Variants in GPR26 observed in about 807,000 individuals in gnomAD.
GPR26 encodes G protein-coupled receptor 26.
GPR26 carries 15 observed loss-of-function variants against 23.1 expected under a neutral mutation model. The ratio of observed to expected loss-of-function variants is 0.65; its 90% confidence interval spans 0.43 to 1.00. The LOEUF is 1.00. GPR26 is among the 50% of genes least tolerant of loss of function. The pLI, the probability that GPR26 is intolerant of heterozygous loss-of-function variation, is 0.00. For synonymous variants in GPR26, 228 were observed against 222.1 expected (o/e 1.03, Z -0.24); for missense variants, 359 against 470.5 (o/e 0.76, Z 2.19).
At position 123,666,963 on chromosome 10, in the gene GPR26, G is replaced by A. The variant is rs757379459; in HGVS notation, c.556G>A (p.Val186Ile). 3.7e-6 allele frequency: 6 copies of A among 1,613,634 alleles called. No homozygotes were observed. Among genetic ancestry groups the A allele is most frequent in the South Asian group, 3.3e-5 (3 of 91,070 alleles). The change falls in exon 1 of 3, where the codon GTC becomes ATC. Residue 186 changes from valine to isoleucine, a missense_variant. Physicochemically the swap from Val to Ile is conservative, Grantham distance 29 (BLOSUM62 3). Coordinates refer to ENST00000284674, the MANE Select transcript of GPR26 (RefSeq NM_153442.4). ...FHALSFLLSF[V>I]VLCCTYLKVL... is the part of the protein sequence containing the mutation. ...CGCTCTCAGCTTCCTGCTCTCCTTC[G>A]TCGTGCTCTGCTGCACGTACCTCAA...
chr10:123,676,260 C>T (rs567465283), intron 2 of GPR26, among the ~76,000 whole-genome samples: 5 of 152,260 alleles, frequency 3.3e-5, no homozygotes, highest in African/African-American at 4.8e-5. Context: ...ATCTAGTTAG[C>T]GTGTGTCTCA....
chr10:123,676,779 C>A (rs1286623389), intron 2 of GPR26, among the ~76,000 whole-genome samples: 1 of 152,162 alleles, frequency 6.6e-6, no homozygotes, highest in Admixed American at 6.5e-5. Context: ...TCAGCTCCCC[C>A]ACATCCTGCT....
chr10:123,670,062 T>C (rs1280483360), intron 1 of GPR26, among the ~76,000 whole-genome samples: 1 of 152,140 alleles, frequency 6.6e-6, no homozygotes, highest in African/African-American at 2.4e-5. Context: ...ACTCACTGGC[T>C]TGGCTTAGTG....
In GPR26 at chr10:123,695,243, T is replaced by C. The variant is rs969127591; in HGVS notation, c.*7083T>C. Among the ~76,000 whole-genome samples the C allele has an allele frequency of 1.3e-5, 2 of 152,210 alleles. No homozygotes were observed. The highest frequency in any genetic ancestry group is 4.8e-5 in the African/African-American group (2 of 41,458). On this transcript the variant is annotated 3_prime_UTR_variant, in exon 3 of 3. Coordinates refer to ENST00000284674, the MANE Select transcript of GPR26 (RefSeq NM_153442.4). Reference sequence around the variant, plus strand: ...ATATTTAAGGACTTTTAAAGTAATTTGGATTTTTAACTCAAAAGACGATGT... The same window carrying C: ...ATATTTAAGGACTTTTAAAGTAATTCGGATTTTTAACTCAAAAGACGATGT...
In GPR26 at chr10:123,666,579, G is replaced by T; in HGVS notation, c.172G>T (p.Val58Phe). The change falls in exon 1 of 3, where the codon GTC becomes TTC. Residue 58 changes from valine to phenylalanine, a missense_variant. Coordinates refer to ENST00000284674, the MANE Select transcript of GPR26 (RefSeq NM_153442.4). The stretch of plus-strand genomic sequence containing the variant: ...GTGCGGGAACCTGCTGTGCACCGTG[G>T]TCAACATGCCGCTCACGCTGGCCGG... ...LTCGNLLCTV[V>F]NMPLTLAGVV... 1 of 1,597,432 alleles carries T rather than the reference G, an allele frequency of 6.3e-7. No individual in the cohort carries two copies.
intron 2 of GPR26, among the ~76,000 whole-genome samples, chr10:123,679,887 C>G (rs1022696423): frequency 2.6e-5 from 4 of 152,336 alleles, no homozygotes; most frequent in Admixed American, 2.6e-4. Flanking sequence ...GAGTCATACT[C>G]CTGGACTCCC....
Position 123,694,778 on chromosome 10 carries a change from G to GAAGA in GPR26, c.*6622_*6625dup, listed in dbSNP as rs3052620. On this transcript the variant is annotated 3_prime_UTR_variant, in exon 3 of 3. Coordinates refer to ENST00000284674, the MANE Select transcript of GPR26 (RefSeq NM_153442.4). Reference sequence around the variant, plus strand: ...GAAGTTGAACGAAGAAGGAAGGAAGGAAGAAAGGAGAGAAAGGAGGAAGGA... The same window carrying GAAGA: ...GAAGTTGAACGAAGAAGGAAGGAAGGAAGAAAGAAAGGAGAGAAAGGAGGAAGGA... 0.25 allele frequency among the ~76,000 whole-genome samples: 38,093 copies of GAAGA among 151,576 alleles called. 5,555 individuals carry two copies. The highest frequency in any genetic ancestry group is 0.41 in the African/African-American group (16,809 of 41,134).
intron 2 of GPR26, 123 bp from the exon 3 acceptor site, chr10:123,687,806 C>A (rs1296554056): frequency 1.6e-6 from 1 of 641,448 alleles, no homozygotes; most frequent in South Asian, 1.8e-5. Context: ...GAGGCAGTCT[C>A]AGATAAATTG....
intron 2 of GPR26, among the ~76,000 whole-genome samples, chr10:123,675,181 T>C (rs887222844): frequency 3.9e-5 from 6 of 152,116 alleles, no homozygotes; most frequent in African/African-American, 1.4e-4. Context: ...CTAAATCACA[T>C]AATTACACCC....
intron 1 of GPR26, among the ~76,000 whole-genome samples, chr10:123,670,721 AAAC>A (rs1002060708): frequency 1.1e-4 from 17 of 152,262 alleles, no homozygotes; most frequent in African/African-American, 3.6e-4. Context: ...TGTTGCTCAC[AAAC>A]ACCACCCCTC....
At chr10:123,676,836 G>C (rs1845315917) in intron 2 of GPR26, among the ~76,000 whole-genome samples, 1 of 152,194 alleles carries the variant, frequency 6.6e-6, no homozygotes, top group African/African-American at 2.4e-5. Context: ...CTCCAGAAAG[G>C]AGTGCAGTGT....
intron 1 of GPR26, among the ~76,000 whole-genome samples, chr10:123,672,245 ACTCT>A (rs760729095): frequency 1.2e-3 from 184 of 151,912 alleles, no homozygotes; most frequent in Non-Finnish European, 2.0e-3. Context: ...TGGAAAAATC[ACTCT>A]CTCTTTTGAG....
intron 2 of GPR26, among the ~76,000 whole-genome samples, chr10:123,677,736 G>A (rs148548356): frequency 6.6e-6 from 1 of 152,296 alleles, no homozygotes; most frequent in Non-Finnish European, 1.5e-5. Context: ...GGGCTTCACG[G>A]ACAAGCCTTG....
intron 2 of GPR26, among the ~76,000 whole-genome samples, chr10:123,680,787 T>C (rs1451257504): frequency 7.0e-6 from 1 of 143,228 alleles, no homozygotes; most frequent in Non-Finnish European, 1.5e-5. Context: ...TGCACCTAGT[T>C]AACATTCTCT....
chr10:123,676,674 A>G (rs1219810), intron 2 of GPR26, among the ~76,000 whole-genome samples: 151,851 of 152,330 alleles, frequency 1, 75,688 homozygotes, highest in East Asian at 1. Flanking sequence ...AAGCCCAGGC[A>G]ACAGAGGAGA....
chr10:123,675,000 T>A lies in GPR26; in HGVS notation c.782+69T>A. Reference sequence around the variant, plus strand: ...GGCAGGGCCCAGTGACCTTTAGCAGTGGCAGCCTCTCTTGGCCACACGTTC... The same window carrying A: ...GGCAGGGCCCAGTGACCTTTAGCAGAGGCAGCCTCTCTTGGCCACACGTTC... On this transcript the variant is annotated intron_variant, in intron 2 of 2. Coordinates refer to ENST00000284674, the MANE Select transcript of GPR26 (RefSeq NM_153442.4). This position sits in a 1 kb window ranked among gnomAD's most constrained non-coding sequence, Gnocchi z 4.1. 1.1e-6 allele frequency: 1 copy of A among 928,818 alleles called. No individual in the cohort carries two copies. The allele number at this position is 928,818 out of a possible 1,614,324, so 57.5% of individuals were successfully genotyped here.
intron 2 of GPR26, 137 bp downstream of exon 2, chr10:123,675,068 A>T: frequency 1.7e-6 from 1 of 601,654 alleles, no homozygotes; most frequent in South Asian, 2.0e-5. Context: ...AACTTGCCAG[A>T]TTTAGTGAAC....
Position 123,691,956 on chromosome 10 carries a change from T to C in GPR26, c.*3796T>C, listed in dbSNP as rs1047898265. Reference sequence around the variant, plus strand: ...AACTCTATAGAAAATTGAGTGTTTCTATTAATAACTATCTAGGTTTCAATT... The same window carrying C: ...AACTCTATAGAAAATTGAGTGTTTCCATTAATAACTATCTAGGTTTCAATT... On this transcript the variant is annotated 3_prime_UTR_variant, in exon 3 of 3. Coordinates refer to ENST00000284674, the MANE Select transcript of GPR26 (RefSeq NM_153442.4). 3 of 152,254 alleles carry C rather than the reference T, an allele frequency of 2.0e-5. No individual in the cohort carries two copies. The highest frequency in any genetic ancestry group is 1.3e-4 in the Admixed American group (2 of 15,290). 9.4% of individuals were successfully genotyped at this position (152,254 alleles called of 1,614,324 possible).
At chr10:123,677,928 A>G (rs1259382935) in intron 2 of GPR26, among the ~76,000 whole-genome samples, 3 of 152,152 alleles carry the variant, frequency 2.0e-5, no homozygotes, top group Admixed American at 6.5e-5. Flanking sequence ...GAGACTTAGC[A>G]TGACACACTC....
Sources: gnomAD v4.1 joint callset for allele counts (sites outside exome capture counted in the v4.1 genomes callset) on GRCh38, gnomAD v4.1.1 for gene constraint, Gnocchi (gnomAD v3.1) non-coding constraint, MANE v1.5 for transcripts, NCBI Gene and HGNC (gene_info 2026-07-23, HGNC 2026-07-21) for gene names.